The following NKAIN3 variants were observed in gnomAD, a reference collection of about 807,000 sequenced individuals.
NKAIN3 encodes sodium/potassium-transporting ATPase subunit beta-1-interacting protein 3.
NKAIN3 carries 25 observed loss-of-function variants against 30.2 expected under a neutral mutation model. The ratio of observed to expected loss-of-function variants is 0.83; its 90% confidence interval spans 0.60 to 1.16. NKAIN3 has a LOEUF of 1.16. Ranked by LOEUF, NKAIN3 falls within the 50% of genes most tolerant of loss-of-function variation. The probability of loss-of-function intolerance (pLI) is 0.00; values close to 1 mark genes in which losing one functional copy is unlikely to be tolerated. For missense variants in NKAIN3, 225 were observed against 254.1 expected (o/e 0.89, Z 0.78); for synonymous variants, 91 against 89.6 (o/e 1.02, Z -0.09).
chr8:62,459,474 C>A (rs1374219556), intron 1 of NKAIN3, among the ~76,000 whole-genome samples: 1 of 152,104 alleles, frequency 6.6e-6, no homozygotes, highest in South Asian at 2.1e-4. Flanking sequence ...TTTCTAGGCT[C>A]TATTCTAAGC....
At chr8:62,906,800 C>G (rs1821791810) in intron 4 of NKAIN3, among the ~76,000 whole-genome samples, 1 of 152,210 alleles carries the variant, frequency 6.6e-6, no homozygotes. Context: ...GTCAATTAAA[C>G]CTCTTTCCTT....
chr8:62,621,875 A>G (rs978244044), intron 3 of NKAIN3, among the ~76,000 whole-genome samples: 1 of 152,046 alleles, frequency 6.6e-6, no homozygotes, highest in African/African-American at 2.4e-5. Flanking sequence ...CATCTTTCAA[A>G]GCATTGAACA....
intron 1 of NKAIN3, among the ~76,000 whole-genome samples, chr8:62,408,522 C>T (rs1330123982): frequency 6.6e-6 from 1 of 152,092 alleles, no homozygotes; most frequent in Non-Finnish European, 1.5e-5. Flanking sequence ...TTATAGAGCA[C>T]TAAAGTTCAA....
intron 4 of NKAIN3, among the ~76,000 whole-genome samples, chr8:62,870,588 A>G (rs1188162909): frequency 7.2e-6 from 1 of 139,550 alleles, no homozygotes; most frequent in African/African-American, 2.7e-5. Context: ...TATAGTACAT[A>G]TATATACAAC....
chr8:62,264,024 T>G (rs966831794), intron 1 of NKAIN3, among the ~76,000 whole-genome samples: 5 of 152,166 alleles, frequency 3.3e-5, no homozygotes, highest in African/African-American at 1.2e-4. Context: ...TATGTAGCAA[T>G]CCACTGAACA....
intron 1 of NKAIN3, among the ~76,000 whole-genome samples, chr8:62,275,855 C>T (rs1468101655): frequency 6.6e-6 from 1 of 151,912 alleles, no homozygotes; most frequent in Admixed American, 6.6e-5. Flanking sequence ...TGATGCTTAC[C>T]GTTTATTTTC....
At chr8:62,510,919 G>A (rs997197624) in intron 1 of NKAIN3, among the ~76,000 whole-genome samples, 9 of 151,984 alleles carry the variant, frequency 5.9e-5, no homozygotes, top group African/African-American at 2.2e-4. Context: ...TCCTTTTCAA[G>A]GTCGTTTGCT....
chr8:62,670,947 T>C (rs917787021), intron 3 of NKAIN3, among the ~76,000 whole-genome samples: 1 of 151,212 alleles, frequency 6.6e-6, no homozygotes, highest in Non-Finnish European at 1.5e-5. Context: ...CCCAGTGAGG[T>C]ATCTGTTCCA....
At chr8:62,830,341 C>CT (rs1819157792) in intron 4 of NKAIN3, among the ~76,000 whole-genome samples, 1 of 152,004 alleles carries the variant, frequency 6.6e-6, no homozygotes, top group Non-Finnish European at 1.5e-5. Context: ...AGACTTTTCC[C>CT]TTTATACTCA....
chr8:62,938,149 C>T (rs575219187), intron 5 of NKAIN3, among the ~76,000 whole-genome samples: 1 of 152,186 alleles, frequency 6.6e-6, no homozygotes, highest in Admixed American at 6.5e-5. Flanking sequence ...GACATAATAT[C>T]TTGGGAGCTC....
At chr8:62,738,224 G>T (rs1198167030) in intron 3 of NKAIN3, among the ~76,000 whole-genome samples, 1 of 152,094 alleles carries the variant, frequency 6.6e-6, no homozygotes, top group Non-Finnish European at 1.5e-5. Flanking sequence ...GGTGTGAGAT[G>T]GTATCTCATT....
At chr8:62,576,379 C>T (rs1458567226) in intron 1 of NKAIN3, among the ~76,000 whole-genome samples, 1 of 152,016 alleles carries the variant, frequency 6.6e-6, no homozygotes, top group Non-Finnish European at 1.5e-5. Flanking sequence ...CTTTATTTCT[C>T]TACTTTTTTT....
chr8:62,743,487 A>G (rs1815973257), intron 3 of NKAIN3, among the ~76,000 whole-genome samples: 1 of 152,232 alleles, frequency 6.6e-6, no homozygotes, highest in South Asian at 2.1e-4. Flanking sequence ...AAAGTTTTAC[A>G]TGTCATGGGA....
intron 1 of NKAIN3, among the ~76,000 whole-genome samples, chr8:62,401,882 C>T (rs1394826472): frequency 1.3e-5 from 2 of 152,224 alleles, no homozygotes; most frequent in Admixed American, 6.5e-5. Context: ...CAGCACAACA[C>T]TGGGTCTCAC....
intron 5 of NKAIN3, among the ~76,000 whole-genome samples, chr8:62,926,039 GAAT>G (rs1563630954): frequency 6.6e-6 from 1 of 152,118 alleles, no homozygotes; most frequent in Admixed American, 6.5e-5. Context: ...TGAGAAGGAA[GAAT>G]GAAGAATCTG....
Position 62,595,791 on chromosome 8 carries a change from C to T in NKAIN3, c.273+5997C>T, listed in dbSNP as rs184695123. On this transcript the variant is annotated intron_variant, in intron 3 of 6. Transcript: ENST00000623646. ...AGGGGTTGTGCAGTTGAGATTTCCT[C>T]GGGAGGGGTGCCTTCGATGTCATTA... 3.3e-3 allele frequency among the ~76,000 whole-genome samples: 500 copies of T among 151,968 alleles called. 2 individuals carry two copies. The highest frequency in any genetic ancestry group is 0.01 in the African/African-American group (434 of 41,464).
At chr8:62,946,228 G>C (rs952380655) in intron 5 of NKAIN3, among the ~76,000 whole-genome samples, 5 of 152,092 alleles carry the variant, frequency 3.3e-5, no homozygotes, top group Non-Finnish European at 7.3e-5. Flanking sequence ...TTTCAGGAAG[G>C]GGGTAGCACA....
At chr8:62,962,922 G>A (rs552746764) in intron 6 of NKAIN3, among the ~76,000 whole-genome samples, 1 of 151,450 alleles carries the variant, frequency 6.6e-6, no homozygotes, top group African/African-American at 2.4e-5. Context: ...ATGGAGTTTC[G>A]CTCTTGTTGC....
chr8:62,986,440 G>A (rs566551125), downstream of NKAIN3, among the ~76,000 whole-genome samples: 1 of 152,150 alleles, frequency 6.6e-6, no homozygotes, highest in Non-Finnish European at 1.5e-5. Flanking sequence ...CCATATGTAA[G>A]TTCCCTCAAT....
Sources: gnomAD v4.1 joint callset for allele counts (sites outside exome capture counted in the v4.1 genomes callset) on GRCh38, gnomAD v4.1.1 for gene constraint, MANE v1.5 for transcripts, NCBI Gene and HGNC (gene_info 2026-07-23, HGNC 2026-07-21) for gene names.